TTN: variants seen among roughly 807,000 people sequenced by gnomAD.
TTN encodes connectin.
In TTN, 1,525 loss-of-function variants were observed where a neutral mutation model predicts 3,223.0. That is an observed-to-expected ratio of 0.47 (90% CI 0.45 to 0.49). The LOEUF is 0.49. Ranked by LOEUF, TTN falls within the 20% of genes least tolerant of loss-of-function variation. The pLI, the probability that TTN is intolerant of heterozygous loss-of-function variation, is 0.00. For synonymous variants in TTN, 14,094 were observed against 15,161.0 expected (o/e 0.93, Z 5.17); for missense variants, 40,786 against 43,424.0 (o/e 0.94, Z 5.40).
Position 178,671,972 on chromosome 2 carries a change from T to G in TTN, c.35226A>C (p.Lys11742Asn). Reference protein sequence around the residue: ...EVFEKPKAPPKGPEISEKIIP... With the variant: ...EVFEKPKAPPNGPEISEKIIP... ...TAGTATTTGAAGAATTCCCTATACC[T>G]TTAGGTGGAGCTTTTGGTTTTTCAA... is the stretch of plus-strand genomic sequence containing the variant. Residue 11742 changes from lysine to asparagine, a missense_variant and splice_region_variant, in exon 155 of 363, where the codon AAA becomes AAC. Lys to Asn is a moderately conservative substitution (Grantham distance 94, BLOSUM62 0). Coordinates refer to ENST00000589042, the MANE Select transcript of TTN (RefSeq NM_001267550.2). 6.3e-7 allele frequency: 1 copy of G among 1,598,798 alleles called. No individual in the cohort carries two copies. The highest frequency in any genetic ancestry group is 8.5e-7 in the Non-Finnish European group (1 of 1,176,026).
intron 20 of TTN, among the ~76,000 whole-genome samples, chr2:178,781,572 CTTTG>C (rs1361467792): frequency 6.6e-6 from 1 of 151,320 alleles, no homozygotes; most frequent in Non-Finnish European, 1.5e-5. Context: ...GGTATTTTCT[CTTTG>C]TTCGTTATTT....
intron 239 of TTN, among the ~76,000 whole-genome samples, chr2:178,629,914 C>T (rs1241580224): frequency 6.6e-6 from 1 of 152,040 alleles, no homozygotes; most frequent in Non-Finnish European, 1.5e-5. Flanking sequence ...GCTCTAGTTG[C>T]ACAGCCACTT....
chr2:178,601,904 T>C lies in TTN; in HGVS notation c.55280A>G (p.His18427Arg). ...TACCTGTGCATCTTCGGGTATGTCA[T>C]GAACTCCATCCTATTAGAAAAGGAG... is the stretch of plus-strand genomic sequence containing the variant. ...KAKKAMKDGV[H>R]DIPEDAQLET... Residue 18427 changes from histidine (H) to arginine (R), a missense_variant, in exon 285 of 363, where the codon CAT (histidine) becomes CGT (arginine). Transcript: ENST00000589042. 1 of 1,612,510 alleles carries C rather than the reference T, an allele frequency of 6.2e-7. No individual in the cohort carries two copies. The highest frequency in any genetic ancestry group is 8.5e-7 in the Non-Finnish European group (1 of 1,179,190).
At chr2:178,631,915 T>A (rs2059851320) in intron 236 of TTN, among the ~76,000 whole-genome samples, 2 of 152,092 alleles carry the variant, frequency 1.3e-5, no homozygotes, top group Non-Finnish European at 2.9e-5. Context: ...TGAAGAATTT[T>A]AAGTTGGCTT....
In TTN at chr2:178,616,725, T is replaced by C; in HGVS notation, c.48160+4A>G. ...CCTTAGATGATAAATGTTTTGTTCC[T>C]TACCAATTACATTGACATCAATTTC... On this transcript the variant is annotated splice_donor_region_variant and intron_variant, in intron 256 of 362. Coordinates refer to ENST00000589042, the MANE Select transcript of TTN (RefSeq NM_001267550.2). The C allele has an allele frequency of 6.2e-7, 1 of 1,612,412 alleles. No individual in the cohort carries two copies. Among genetic ancestry groups the C allele is most frequent in the Non-Finnish European group, 8.5e-7 (1 of 1,179,100 alleles).
rs1159933027 is a variant in TTN, at chr2:178,536,186, C to T, written c.100561G>A (p.Gly33521Ser). The stretch of plus-strand genomic sequence containing the variant: ...CATTTGACGATAGGTTTTGGATGAC[C>T]AGTCACTTTGCAGACCAAGGTAGCA... ...SNATLVCKVT[G>S]HPKPIVKWYR... Residue 33521 changes from glycine to serine, a missense_variant, in exon 357 of 363, where the codon GGT becomes AGT. By Grantham distance (56) the Gly-to-Ser change is moderately conservative. Transcript: ENST00000589042. The T allele has an allele frequency of 7.4e-6, 12 of 1,613,374 alleles. No homozygotes were observed. Among genetic ancestry groups the T allele is most frequent in the Non-Finnish European group, 1.0e-5 (12 of 1,179,646 alleles).
chr2:178,615,697 C>T lies in TTN; in HGVS notation c.48404G>A (p.Cys16135Tyr). The T allele has an allele frequency of 6.2e-7, 1 of 1,612,504 alleles. No individual in the cohort carries two copies. The highest frequency in any genetic ancestry group is 8.5e-7 in the Non-Finnish European group (1 of 1,178,936). Residue 16135 changes from cysteine (C) to tyrosine (Y), a missense_variant, in exon 258 of 363, where the codon TGT (cysteine) becomes TAT (tyrosine). Coordinates refer to ENST00000589042, the MANE Select transcript of TTN (RefSeq NM_001267550.2). ...YLFKVCARNK[C>Y]GPGEPAYVDE... ...AACATATGCAGGTTCTCCAGGGCCACATTTGTTACGAGCACAAACTTTAAA... is the reference window on the plus strand; with the variant it reads ...AACATATGCAGGTTCTCCAGGGCCATATTTGTTACGAGCACAAACTTTAAA...
chr2:178,634,294 T>C lies in TTN; in HGVS notation c.42415+72A>G. The C allele has an allele frequency of 1.3e-6, 2 of 1,545,412 alleles. No individual in the cohort carries two copies. The highest frequency in any genetic ancestry group is 2.8e-5 in the African/African-American group (2 of 71,898). ...ATGCATTATCACAGCTTTTAGAACT[T>C]GGCGTCCTATCTTTAAAGTCATATA... On this transcript the variant is annotated intron_variant, in intron 230 of 362. Coordinates refer to ENST00000589042, the MANE Select transcript of TTN (RefSeq NM_001267550.2). This position sits in a 1 kb window ranked among gnomAD's most constrained non-coding sequence, Gnocchi z 4.6.
rs1479999162 is a variant in TTN at position 178,552,307 on chromosome 2, T to C, written c.90593A>G (p.His30198Arg). ...AAGAATAACAGTGTATTTTCCTCCA[T>C]GCTCCTTCTTGGCATTCTTAATACT... ...TLSIKNAKKE[H>R]GGKYTVILDN... The change falls in exon 335 of 363, where the codon CAT (histidine) becomes CGT (arginine). Residue 30198 changes from histidine (H) to arginine (R), a missense_variant. His to Arg is a conservative substitution (Grantham distance 29). Transcript: ENST00000589042. 3.7e-6 allele frequency: 6 copies of C among 1,612,380 alleles called. No individual in the cohort carries two copies. The highest frequency in any genetic ancestry group is 5.1e-6 in the Non-Finnish European group (6 of 1,179,226).
In TTN at chr2:178,634,453, C is replaced by T. The variant is rs1230881799; in HGVS notation, c.42328G>A (p.Val14110Ile). The change falls in exon 230 of 363, where the codon GTT becomes ATT. Residue 14110 changes from valine (V) to isoleucine (I), a missense_variant. Val to Ile is a conservative substitution (Grantham distance 29, BLOSUM62 3). Coordinates refer to ENST00000589042, the MANE Select transcript of TTN (RefSeq NM_001267550.2). The surrounding 1 kb of genome is among the most constrained non-coding windows in gnomAD (Gnocchi z 4.6). ...IIADGKKHIL[V>I]INDSQFDDEG... Reference sequence around the variant, plus strand: ...TCATCAAATTGAGAATCATTAATAACAAGAATATGTTTCTTTCCATCAGCG... The same window carrying T: ...TCATCAAATTGAGAATCATTAATAATAAGAATATGTTTCTTTCCATCAGCG... The T allele has an allele frequency of 2.5e-6, 4 of 1,613,160 alleles. No individual in the cohort carries two copies. Among genetic ancestry groups the T allele is most frequent in the Non-Finnish European group, 2.5e-6 (3 of 1,179,462 alleles).
Position 178,575,190 on chromosome 2 carries a change from C to T in TTN, c.70942G>A (p.Gly23648Ser), listed in dbSNP as rs1709611603. ...IYQKLVIAKA[G>S]DNIKVEIPVL... The stretch of plus-strand genomic sequence containing the variant: ...GGAATTTCAACTTTGATGTTGTCAC[C>T]AGCTTTGGCAATGACCAGTTTCTGA... The change falls in exon 326 of 363, where the codon GGT (glycine) becomes AGT (serine). Residue 23648 changes from glycine to serine, a missense_variant. By Grantham distance (56) the Gly-to-Ser change is moderately conservative. Transcript: ENST00000589042. This position sits in a 1 kb window ranked among gnomAD's most constrained non-coding sequence, Gnocchi z 4.0. 6.2e-7 allele frequency: 1 copy of T among 1,612,716 alleles called. No homozygotes were observed. Among genetic ancestry groups the T allele is most frequent in the Non-Finnish European group, 8.5e-7 (1 of 1,179,344 alleles).
In TTN at chr2:178,577,291, G is replaced by A. The variant is rs771710562; in HGVS notation, c.69044C>T (p.Ala23015Val). 3.7e-5 allele frequency: 59 copies of A among 1,612,446 alleles called. No homozygotes were observed. The highest frequency in any genetic ancestry group is 4.2e-5 in the Non-Finnish European group (50 of 1,179,416). The change falls in exon 324 of 363, where the codon GCG becomes GTG. Residue 23015 changes from alanine to valine, a missense_variant. Transcript: ENST00000589042. Reference sequence around the variant, plus strand: ...GGTAGCAGTGATGGTATATTCACCCGCATCTTTTCTAGTGGCATACTTGAT... The same window carrying A: ...GGTAGCAGTGATGGTATATTCACCCACATCTTTTCTAGTGGCATACTTGAT... ...LTIKYATRKD[A>V]GEYTITATNP...
Position 178,601,439 on chromosome 2 carries a change from T to C in TTN, c.55558A>G (p.Thr18520Ala). 2 of 1,612,866 alleles carry C rather than the reference T, an allele frequency of 1.2e-6. No individual in the cohort carries two copies. Reference protein sequence around the residue: ...RIKGYVIEKRTIDGKAWTKVN... With the variant: ...RIKGYVIEKRAIDGKAWTKVN... ...TTGGTCCAGGCTTTTCCATCAATAG[T>C]CCTCTTCTCAATAACATAGCCTTTG... Residue 18520 changes from threonine (T) to alanine (A), a missense_variant, in exon 287 of 363, where the codon ACT becomes GCT. Thr to Ala is a moderately conservative substitution (Grantham distance 58). Transcript: ENST00000589042.
chr2:178,757,189 A>G (rs1200101539), intron 45 of TTN, among the ~76,000 whole-genome samples: 2 of 146,524 alleles, frequency 1.4e-5, no homozygotes, highest in South Asian at 4.2e-4. Context: ...CTTTAAGTAC[A>G]GTAAGTAATA....
chr2:178,807,391 A>G lies in TTN; in HGVS notation c.-193T>C, dbSNP rs1157464761. 1 of 151,744 alleles carries G rather than the reference A, an allele frequency of 6.6e-6. No homozygotes were observed. Among genetic ancestry groups the G allele is most frequent in the Non-Finnish European group, 1.5e-5 (1 of 67,966 alleles). 9.4% of individuals were successfully genotyped at this position (151,744 alleles called of 1,614,324 possible). A position where few individuals can be genotyped will look rare whatever the true frequency, so the allele number is the denominator to read the frequency against. On this transcript the variant is annotated 5_prime_UTR_variant, in exon 1 of 363. Transcript: ENST00000589042. ...TTTTGCTTTTCTATGCAATCCCTAC[A>G]CCCGAGGCGAGGCTGGGAATGCACG... is the stretch of plus-strand genomic sequence containing the variant.
rs1424664692 is a variant in TTN, at chr2:178,583,751, G to A, written c.65431C>T (p.Pro21811Ser). The A allele has an allele frequency of 1.2e-6, 2 of 1,611,938 alleles. No homozygotes were observed. Among genetic ancestry groups the A allele is most frequent in the Non-Finnish European group, 1.7e-6 (2 of 1,179,000 alleles). ...TACTCTTCCTGGGGAATCTGGTGAG[G>A]TGCAGTATTGCACCGTACCCATTTA... ...GDKWVRCNTA[P>S]HQIPQEEYTA... is the part of the protein sequence containing the mutation. Residue 21811 changes from proline to serine, a missense_variant, in exon 312 of 363, where the codon CCT (proline) becomes TCT (serine). Pro to Ser is a moderately conservative substitution (Grantham distance 74). Coordinates refer to ENST00000589042, the MANE Select transcript of TTN (RefSeq NM_001267550.2).
intron 144 of TTN, 34 bp downstream of exon 144, chr2:178,678,380 T>C (rs2068574771): frequency 1.3e-6 from 2 of 1,554,472 alleles, no homozygotes; most frequent in Admixed American, 2.0e-5. Context: ...GTGAGTTTTT[T>C]CCCCCAAGTA....
In TTN at chr2:178,571,723, A is replaced by G; in HGVS notation, c.74409T>C (p.Val24803=). 6.2e-7 allele frequency: 1 copy of G among 1,613,508 alleles called. No homozygotes were observed. The highest frequency in any genetic ancestry group is 8.5e-7 in the Non-Finnish European group (1 of 1,179,588). ...GAGGCCCTGGTTTGTCAAGAACGAT[A>G]ACATTAAGGGTTTCAATAGCTTCAC... The part of the protein sequence containing the change: ...SAGEAIETLN[V]IVLDKPGPPT... Residue 24803 remains valine, a synonymous_variant, in exon 326 of 363, where the codon GTT becomes GTC. Transcript: ENST00000589042.
Position 178,735,753 on chromosome 2 carries a change from T to A in TTN, c.14693A>T (p.Gln4898Leu). 6.2e-7 allele frequency: 1 copy of A among 1,613,812 alleles called. No homozygotes were observed. The highest frequency in any genetic ancestry group is 8.5e-7 in the Non-Finnish European group (1 of 1,179,806). Residue 4898 changes from glutamine (Q) to leucine (L), a missense_variant, in exon 50 of 363, where the codon CAG (glutamine) becomes CTG (leucine). By Grantham distance (113) the Gln-to-Leu change is moderately radical. Transcript: ENST00000589042. ...GTGGACCTTCTTATTGATAGCGGAC[T>A]GCACAGGCTCTAATTCTTTAATGAA... ...PHFIKELEPV[Q>L]SAINKKVHLE...
Sources: allele counts gnomAD v4.1 joint callset (sites outside exome capture counted in the v4.1 genomes callset), GRCh38; gene constraint gnomAD v4.1.1; non-coding constraint Gnocchi (gnomAD v3.1); transcripts MANE v1.5; gene names NCBI Gene and HGNC (gene_info 2026-07-23, HGNC 2026-07-21).